METTL16: variants seen among roughly 807,000 people sequenced by gnomAD.
METTL16 encodes methyltransferase 16, RNA N6-adenosine.
A neutral mutation model predicts 57.9 loss-of-function variants in METTL16; 19 were observed. That is an observed-to-expected ratio of 0.33 (90% CI 0.23 to 0.48). METTL16 has a LOEUF of 0.48. Ranked by LOEUF, METTL16 falls within the 20% of genes least tolerant of loss-of-function variation. The probability of loss-of-function intolerance (pLI) is 0.99; values close to 1 mark genes in which losing one functional copy is unlikely to be tolerated. For synonymous variants in METTL16, 246 were observed against 255.6 expected, an observed-to-expected ratio of 0.96 and a Z score of 0.36; for missense variants, 434 against 691.5, an observed-to-expected ratio of 0.63 and a Z score of 4.18.
chr17:2,466,545 A>C (rs1313271835), intron 5 of METTL16, among the ~76,000 whole-genome samples: 1 of 152,158 alleles, frequency 6.6e-6, no homozygotes, highest in East Asian at 1.9e-4. Flanking sequence ...TCGTTAAGTC[A>C]ATCTAAATTG....
chr17:2,415,830 T>C (rs116012586), downstream of METTL16: 6 of 152,490 alleles, frequency 3.9e-5, no homozygotes, highest in African/African-American at 9.6e-5. Context: ...CTCCTGGCTT[T>C]TGGAAAGTTA....
At chr17:2,459,033 C>G (rs1020398759) in intron 6 of METTL16, among the ~76,000 whole-genome samples, 4 of 152,230 alleles carry the variant, frequency 2.6e-5, no homozygotes, top group African/African-American at 9.6e-5. Context: ...TCTTGAACTC[C>G]TGGGCTCAAG....
intron 1 of METTL16, among the ~76,000 whole-genome samples, chr17:2,506,289 C>G (rs914530251): frequency 1.4e-5 from 2 of 141,440 alleles, no homozygotes; most frequent in African/African-American, 2.6e-5. Flanking sequence ...CGGTCTCCCT[C>G]TCCCTCTCCC....
chr17:2,484,491 CTCTGT>C (rs2067327709), intron 2 of METTL16, among the ~76,000 whole-genome samples: 2 of 151,886 alleles, frequency 1.3e-5, no homozygotes, highest in Admixed American at 1.3e-4. Flanking sequence ...ATGACCACTA[CTCTGT>C]TCTTTTTTTT....
At chr17:2,433,869 G>A (rs1234976465) in intron 8 of METTL16, among the ~76,000 whole-genome samples, 1 of 152,090 alleles carries the variant, frequency 6.6e-6, no homozygotes, top group African/African-American at 2.4e-5. Context: ...CCTCCATAAA[G>A]CGGTCTTTGA....
At chr17:2,455,427 T>C (rs915509168) in intron 6 of METTL16, among the ~76,000 whole-genome samples, 1 of 152,164 alleles carries the variant, frequency 6.6e-6, no homozygotes, top group Non-Finnish European at 1.5e-5. Context: ...TCAAAATACA[T>C]GCTTGTTGAT....
intron 6 of METTL16, among the ~76,000 whole-genome samples, chr17:2,457,706 G>C (rs1296691111): frequency 1.4e-5 from 2 of 141,172 alleles, no homozygotes; most frequent in South Asian, 2.2e-4. Context: ...GCGAGACTCT[G>C]TCTCAAAAAA....
At chr17:2,454,740 T>C (rs1197784192) in intron 6 of METTL16, among the ~76,000 whole-genome samples, 2 of 150,018 alleles carry the variant, frequency 1.3e-5, no homozygotes, top group Non-Finnish European at 3.0e-5. Context: ...AATTTTTGTA[T>C]TTTAGTAGAG....
chr17:2,448,805 A>AAAAAAAAAAAAAAAAAAAAAAAAAAT (rs2067044723), intron 6 of METTL16, among the ~76,000 whole-genome samples: 1 of 104,564 alleles, frequency 9.6e-6, no homozygotes. Context: ...TAAAATTTAA[A>AAAAAAAAAAAAAAAAAAAAAAAAAAT]AAAAAAAAAA....
At position 2,420,543 on chromosome 17, in the gene METTL16, C is replaced by T. The variant is rs767758426; in HGVS notation, c.1116G>A (p.Thr372=). Residue 372 remains threonine, a synonymous_variant, in exon 10 of 10, where the codon ACG becomes ACA. Transcript: ENST00000263092. The surrounding 1 kb of genome is among the most constrained non-coding windows in gnomAD (Gnocchi z 5.4). ...CGKEEVSLFL[T]AIENSWIHLR... is the part of the protein sequence containing the mutation. Reference sequence around the variant, plus strand: ...AATGAATCCAGGAGTTTTCTATGGCCGTTAGGAAAAGGCTGACTTCCTCTT... The same window carrying T: ...AATGAATCCAGGAGTTTTCTATGGCTGTTAGGAAAAGGCTGACTTCCTCTT... 3 of 1,613,470 alleles carry T rather than the reference C, an allele frequency of 1.9e-6. No homozygotes were observed. The highest frequency in any genetic ancestry group is 2.5e-6 in the Non-Finnish European group (3 of 1,180,002).
chr17:2,458,483 G>T (rs1265833885), intron 6 of METTL16, among the ~76,000 whole-genome samples: 1 of 152,030 alleles, frequency 6.6e-6, no homozygotes, highest in Admixed American at 6.6e-5. Flanking sequence ...AGGCCAAGGG[G>T]GGCAGATCAT....
intron 2 of METTL16, among the ~76,000 whole-genome samples, chr17:2,494,035 ATTACTT>A (rs921607926): frequency 6.6e-6 from 1 of 152,092 alleles, no homozygotes; most frequent in African/African-American, 2.4e-5. Flanking sequence ...CTTTTTAAAG[ATTACTT>A]TTAATTTCTT....
At chr17:2,497,377 A>G (rs1836734261) in intron 2 of METTL16, among the ~76,000 whole-genome samples, 1 of 136,472 alleles carries the variant, frequency 7.3e-6, no homozygotes. Context: ...TAGTGGCACA[A>G]TCTCAGCTCA....
At chr17:2,511,303 G>T (rs1054944514) in intron 1 of METTL16, among the ~76,000 whole-genome samples, 28 of 150,742 alleles carry the variant, frequency 1.9e-4, no homozygotes, top group African/African-American at 6.6e-4. Flanking sequence ...CCACTCTCTT[G>T]ATACACAGCC....
chr17:2,474,231 TA>T (rs1447666325), intron 3 of METTL16, among the ~76,000 whole-genome samples: 3 of 152,198 alleles, frequency 2.0e-5, no homozygotes, highest in African/African-American at 7.2e-5. Flanking sequence ...AAAACAATGC[TA>T]TTTATTAAAA....
At chr17:2,458,615 C>T (rs149115770) in intron 6 of METTL16, among the ~76,000 whole-genome samples, 1 of 151,980 alleles carries the variant, frequency 6.6e-6, no homozygotes, top group African/African-American at 2.4e-5. Flanking sequence ...GGGAGGCTGA[C>T]GTGGGAGAAT....
At chr17:2,429,836 A>G (rs2066856526) in intron 8 of METTL16, among the ~76,000 whole-genome samples, 1 of 150,766 alleles carries the variant, frequency 6.6e-6, no homozygotes, top group South Asian at 2.1e-4. Context: ...TCTGAGGCGG[A>G]GTCTCGCTCT....
chr17:2,487,003 CAAAAAAAAAAAAAA>C (rs11397318), intron 2 of METTL16, among the ~76,000 whole-genome samples: 1 of 57,426 alleles, frequency 1.7e-5, no homozygotes, highest in Non-Finnish European at 2.9e-5. Context: ...GATCCTGTCT[CAAAAAAAAAAAAAA>C]AAAAAAAAAG....
intron 1 of METTL16, among the ~76,000 whole-genome samples, chr17:2,510,774 C>A (rs534173964): frequency 2.6e-5 from 4 of 151,996 alleles, no homozygotes; most frequent in Admixed American, 2.6e-4. Context: ...GCAATCCTCC[C>A]GCCTGAGCCT....
Sources: allele counts gnomAD v4.1 joint callset (sites outside exome capture counted in the v4.1 genomes callset), GRCh38; gene constraint gnomAD v4.1.1; non-coding constraint Gnocchi (gnomAD v3.1); transcripts MANE v1.5; gene names NCBI Gene and HGNC (gene_info 2026-07-23, HGNC 2026-07-21).